PACC1: variants seen among roughly 807,000 people sequenced by gnomAD.
The protein encoded by PACC1 is proton activated chloride channel 1, also known as proton-activated chloride channel.
In PACC1, 34 loss-of-function variants were observed where a neutral mutation model predicts 39.7. The ratio of observed to expected loss-of-function variants is 0.86; its 90% CI spans 0.65 to 1.14. PACC1 has a LOEUF of 1.14. Ranked by LOEUF, PACC1 falls within the 50% of genes most tolerant of loss-of-function variation. The pLI is 0.00. For missense variants in PACC1, 379 were observed against 436.4 expected (o/e 0.87, Z 1.17); for synonymous variants, 127 against 160.6 (o/e 0.79, Z 1.58).
In PACC1 at chr1:212,385,362, G is replaced by C; in HGVS notation, c.407C>G (p.Pro136Arg). 6.2e-7 allele frequency: 1 copy of C among 1,614,084 alleles called. No individual in the cohort carries two copies. ...CGGCTGGCCAGGGCTTGTCAGAGGA[G>C]GAATGACCTCGTAATGGTGCTTACA... ...LSCKHHYEVIPPLTSPGQPGD... is the reference protein window; with the variant it reads ...LSCKHHYEVIRPLTSPGQPGD... Residue 136 changes from proline (P) to arginine (R), a missense_variant, in exon 4 of 8, where the codon CCT becomes CGT. By Grantham distance (103) the Pro-to-Arg change is moderately radical (BLOSUM62 -2). Coordinates refer to ENST00000261455, the MANE Select transcript of PACC1 (RefSeq NM_018252.3).
At position 212,410,608 on chromosome 1, in the gene PACC1, G is replaced by A. The variant is rs1485705457; in HGVS notation, c.37-87C>T. ...TAGAATAAGAAAGCAGAAGCTGCTTGTCACTTAATTGTCACCAAAAACCAC... is the reference window on the plus strand; with the variant it reads ...TAGAATAAGAAAGCAGAAGCTGCTTATCACTTAATTGTCACCAAAAACCAC... On this transcript the variant is annotated intron_variant, in intron 1 of 7. Coordinates refer to ENST00000261455, the MANE Select transcript of PACC1 (RefSeq NM_018252.3). 3.3e-6 allele frequency: 4 copies of A among 1,226,358 alleles called. No homozygotes were observed. In the Admixed American group the frequency reaches 6.7e-5, roughly 21 times the overall value. The allele number at this position is 1,226,358 out of a possible 1,614,324, so 76.0% of individuals were successfully genotyped here. A position where few individuals can be genotyped will look rare whatever the true frequency, so the allele number is the denominator to read the frequency against.
At chr1:212,379,240 G>A (rs962830964) in intron 5 of PACC1, among the ~76,000 whole-genome samples, 10 of 152,154 alleles carry the variant, frequency 6.6e-5, no homozygotes, top group African/African-American at 2.4e-4. Flanking sequence ...ACCACACCTG[G>A]CCATGATTTT....
intron 2 of PACC1, among the ~76,000 whole-genome samples, chr1:212,404,709 T>C (rs915176133): frequency 2.0e-5 from 3 of 151,958 alleles, no homozygotes; most frequent in African/African-American, 7.3e-5. Context: ...CTTCCTTTTT[T>C]TTTTTTTTTT....
intron 2 of PACC1, among the ~76,000 whole-genome samples, chr1:212,391,990 G>A (rs1168952206): frequency 6.6e-6 from 1 of 152,182 alleles, no homozygotes; most frequent in Admixed American, 6.5e-5. Flanking sequence ...AAGTGACGGG[G>A]AGAATGGAAC....
chr1:212,414,406 G>C (rs1303977962), intron 1 of PACC1, among the ~76,000 whole-genome samples: 1 of 152,162 alleles, frequency 6.6e-6, no homozygotes, highest in Non-Finnish European at 1.5e-5. Flanking sequence ...CGGGGAGCGC[G>C]GAAGGCTGGG....
At chr1:212,385,471 G>T in intron 3 of PACC1, 46 bp from the exon 4 acceptor site, 1 of 1,605,982 alleles carries the variant, frequency 6.2e-7, no homozygotes, top group South Asian at 1.1e-5. Flanking sequence ...TCACACTCCT[G>T]ACCACATCCC....
Position 212,410,346 on chromosome 1 carries a change from C to T in PACC1, c.133+79G>A, listed in dbSNP as rs2102546901. 5 of 1,324,098 alleles carry T rather than the reference C, an allele frequency of 3.8e-6. No individual in the cohort carries two copies. In the East Asian group the frequency reaches 1.1e-4, roughly 30 times the overall value. 82.0% of individuals were successfully genotyped at this position (1,324,098 alleles called of 1,614,324 possible). ...CAGGGTGCAGGGAAGGGGGCTCCTC[C>T]TCTCCCACAGTTGGCAAGGCGCCTA... On this transcript the variant is annotated intron_variant, in intron 2 of 7. Coordinates refer to ENST00000261455, the MANE Select transcript of PACC1 (RefSeq NM_018252.3).
At chr1:212,390,432 A>G (rs867537495) in intron 2 of PACC1, among the ~76,000 whole-genome samples, 19 of 151,142 alleles carry the variant, frequency 1.3e-4, no homozygotes, top group South Asian at 4.2e-4. Context: ...TCAAAAAGAA[A>G]AAAAAAAAAA....
At chr1:212,411,658 C>T (rs993240202) in intron 1 of PACC1, among the ~76,000 whole-genome samples, 1 of 152,164 alleles carries the variant, frequency 6.6e-6, no homozygotes, top group African/African-American at 2.4e-5. Flanking sequence ...AGCACTTTGT[C>T]AGGTTCACAG....
intron 4 of PACC1, among the ~76,000 whole-genome samples, chr1:212,383,174 C>G (rs1359076780): frequency 2.0e-5 from 3 of 152,204 alleles, no homozygotes; most frequent in African/African-American, 4.8e-5. Flanking sequence ...GACTTGGGGG[C>G]AGTAGCTGCA....
intron 2 of PACC1, among the ~76,000 whole-genome samples, chr1:212,390,394 G>A (rs959775676): frequency 6.9e-6 from 1 of 143,978 alleles, no homozygotes; most frequent in African/African-American, 2.6e-5. Context: ...TTGCACTCCA[G>A]CCTAGGAAAC....
Position 212,375,225 on chromosome 1 carries a change from A to C in PACC1, c.859T>G (p.Trp287Gly), listed in dbSNP as rs1179176706. The C allele has an allele frequency of 6.2e-7, 1 of 1,613,920 alleles. No homozygotes were observed. The highest frequency in any genetic ancestry group is 8.5e-7 in the Non-Finnish European group (1 of 1,179,822). The change falls in exon 7 of 8, where the codon TGG becomes GGG. Residue 287 changes from tryptophan to glycine, a missense_variant. Trp to Gly is a radical substitution (Grantham distance 184, BLOSUM62 -2). Transcript: ENST00000261455. Reference sequence around the variant, plus strand: ...ACTTTCTGGATGAAAGGATCTTTCCATTCAAAGACCACAAAAAACAATTGA... The same window carrying C: ...ACTTTCTGGATGAAAGGATCTTTCCCTTCAAAGACCACAAAAAACAATTGA... Reference protein sequence around the residue: ...SAQLFFVVFEWKDPFIQKVQD... With the variant: ...SAQLFFVVFEGKDPFIQKVQD...
chr1:212,390,493 A>T (rs1440372103), intron 2 of PACC1, among the ~76,000 whole-genome samples: 1 of 151,858 alleles, frequency 6.6e-6, no homozygotes, highest in Non-Finnish European at 1.5e-5. Flanking sequence ...GAACAGCTCC[A>T]GTCTACAGCT....
In PACC1 at chr1:212,398,197, A is replaced by T. The variant is rs1413202599; in HGVS notation, c.134-11097T>A. Among the ~76,000 whole-genome samples the T allele has an allele frequency of 2.6e-5, 4 of 152,252 alleles. No individual in the cohort carries two copies. The South Asian group carries it at 8.3e-4, about 31-fold the overall frequency. The stretch of plus-strand genomic sequence containing the variant: ...GCAAAAATAAAGATCATAGAACTAT[A>T]ATCTCTTTTGAAAAATAAATCTGAA... On this transcript the variant is annotated intron_variant, in intron 2 of 7. Coordinates refer to ENST00000261455, the MANE Select transcript of PACC1 (RefSeq NM_018252.3).
At chr1:212,379,606 C>T (rs1660800568) in intron 5 of PACC1, among the ~76,000 whole-genome samples, 1 of 152,242 alleles carries the variant, frequency 6.6e-6, no homozygotes, top group Non-Finnish European at 1.5e-5. Context: ...ACTTCCCCTA[C>T]TCCTCAGCAG....
chr1:212,378,239 G>A (rs1035439936), intron 5 of PACC1, among the ~76,000 whole-genome samples: 14 of 152,170 alleles, frequency 9.2e-5, no homozygotes, highest in African/African-American at 3.1e-4. Context: ...AAATCAAAGC[G>A]AACATAAAAA....
Position 212,410,648 on chromosome 1 carries a change from G to T in PACC1, c.37-127C>A. ...CCAAAAACCACATGACATAGAGTGT[G>T]TTACAGCAATTTTACAGATGAGGAC... On this transcript the variant is annotated intron_variant, in intron 1 of 7. Transcript: ENST00000261455. 5 of 837,934 alleles carry T rather than the reference G, an allele frequency of 6.0e-6. 1 individual carries two copies. In the South Asian group the frequency reaches 7.0e-5, roughly 12 times the overall value. The allele number at this position is 837,934 out of a possible 1,614,324, so 51.9% of individuals were successfully genotyped here.
At chr1:212,374,865 A>G (rs190570123) in intron 7 of PACC1, among the ~76,000 whole-genome samples, 207 of 152,364 alleles carry the variant, frequency 1.4e-3, no homozygotes, top group Non-Finnish European at 2.2e-3. Context: ...GAACATTACT[A>G]CTAAGCAGCT....
In PACC1 at chr1:212,386,802, A is replaced by G. The variant is rs963163902; in HGVS notation, c.343+89T>C. ...TGGACTCCTCTGCCCTGCCCGTAGT[A>G]CCACAAATACAACGGCAGCTCAGGG... On this transcript the variant is annotated intron_variant, in intron 3 of 7. Transcript: ENST00000261455. This position sits in a 1 kb window ranked among gnomAD's most constrained non-coding sequence, Gnocchi z 5.0. 8 of 1,334,808 alleles carry G rather than the reference A, an allele frequency of 6.0e-6. No individual in the cohort carries two copies. The African/African-American group carries it at 8.6e-5, about 14-fold the overall frequency. The allele number at this position is 1,334,808 out of a possible 1,614,324, so 82.7% of individuals were successfully genotyped here.
Sources: gnomAD v4.1 joint callset for allele counts (sites outside exome capture counted in the v4.1 genomes callset) on GRCh38, gnomAD v4.1.1 for gene constraint, Gnocchi (gnomAD v3.1) non-coding constraint, MANE v1.5 for transcripts, NCBI Gene and HGNC (gene_info 2026-07-23, HGNC 2026-07-21) for gene names.